The following FAR2 variants were observed in gnomAD, a reference collection of about 807,000 sequenced individuals.
The protein encoded by FAR2 is epididymis secretory protein Li 81.
In FAR2, 19 loss-of-function variants were observed where a neutral mutation model predicts 56.0. The ratio of observed to expected loss-of-function variants is 0.34; its 90% CI spans 0.24 to 0.50. FAR2 has a LOEUF of 0.50. Among genes scored for constraint, FAR2 ranks in the 20% least tolerant of loss-of-function variants. The probability of loss-of-function intolerance (pLI) is 0.98; values close to 1 mark genes in which losing one functional copy is unlikely to be tolerated. For synonymous variants in FAR2, 219 were observed against 218.8 expected, an observed-to-expected ratio of 1.00 and a Z score of -0.01; for missense variants, 508 against 642.2, an observed-to-expected ratio of 0.79 and a Z score of 2.26.
At chr12:29,198,802 C>T (rs1222115193) in intron 1 of FAR2, among the ~76,000 whole-genome samples, 1 of 152,076 alleles carries the variant, frequency 6.6e-6, no homozygotes, top group East Asian at 1.9e-4. Flanking sequence ...TATTTTCTTT[C>T]CTATGCCCCC....
chr12:29,284,755 C>CA (rs1176003215), intron 2 of FAR2, among the ~76,000 whole-genome samples: 1 of 152,076 alleles, frequency 6.6e-6, no homozygotes, highest in Admixed American at 6.6e-5. Flanking sequence ...AAAAACAAAA[C>CA]AAAAAACTTT....
chr12:29,277,461 G>T (rs1234125759), intron 2 of FAR2: 1 of 152,146 alleles, frequency 6.6e-6, no homozygotes, highest in East Asian at 1.9e-4. Context: ...TGTGCCTGGG[G>T]AACAGGGGCA....
intron 10 of FAR2, among the ~76,000 whole-genome samples, chr12:29,325,434 C>A (rs1163803338): frequency 1.3e-5 from 2 of 152,180 alleles, no homozygotes; most frequent in African/African-American, 4.8e-5. Context: ...CACCCCAAAT[C>A]AACAGAATAT....
At chr12:29,299,232 AAAAG>A (rs1555121547) in intron 4 of FAR2, among the ~76,000 whole-genome samples, 2 of 136,718 alleles carry the variant, frequency 1.5e-5, no homozygotes, top group African/African-American at 5.5e-5. Flanking sequence ...AAAAAAAAAA[AAAAG>A]AAAGAAAAAG....
chr12:29,169,836 C>T (rs963851004), intron 1 of FAR2, among the ~76,000 whole-genome samples: 1 of 152,208 alleles, frequency 6.6e-6, no homozygotes, highest in African/African-American at 2.4e-5. Context: ...ATTCTAGTTT[C>T]TGTAGCAGCA....
chr12:29,291,352 G>A (rs551200192), intron 2 of FAR2: 3 of 455,854 alleles, frequency 6.6e-6, no homozygotes, highest in African/African-American at 4.0e-5. Flanking sequence ...ACTGAGCCAG[G>A]GTCTCTGAGG....
intron 9 of FAR2, among the ~76,000 whole-genome samples, chr12:29,320,553 A>T (rs1202213168): frequency 6.6e-6 from 1 of 152,218 alleles, no homozygotes; most frequent in East Asian, 1.9e-4. Flanking sequence ...TCCCCACAAT[A>T]GCATCATAAT....
At chr12:29,176,596 C>T (rs1242391441) in intron 1 of FAR2, among the ~76,000 whole-genome samples, 1 of 152,132 alleles carries the variant, frequency 6.6e-6, no homozygotes, top group Non-Finnish European at 1.5e-5. Context: ...AACTGTCATG[C>T]TTATATTAAC....
intron 1 of FAR2, among the ~76,000 whole-genome samples, chr12:29,250,955 C>T (rs906046317): frequency 2.6e-4 from 39 of 152,112 alleles, no homozygotes; most frequent in Non-Finnish European, 8.8e-5. Flanking sequence ...CCTAGGGTGG[C>T]AGGGGCCAAG....
intron 1 of FAR2, among the ~76,000 whole-genome samples, chr12:29,221,333 G>A (rs1466597680): frequency 6.6e-6 from 1 of 152,032 alleles, no homozygotes; most frequent in East Asian, 1.9e-4. Flanking sequence ...TCATCTGATG[G>A]TTGCCTGACA....
At chr12:29,313,715 A>T (rs1005012096) in intron 8 of FAR2, among the ~76,000 whole-genome samples, 3 of 152,128 alleles carry the variant, frequency 2.0e-5, no homozygotes, top group East Asian at 1.9e-4. Context: ...CATTACATCA[A>T]TTTTTTTGTC....
chr12:29,235,362 C>T (rs1001430484), intron 1 of FAR2, among the ~76,000 whole-genome samples: 4 of 152,146 alleles, frequency 2.6e-5, no homozygotes, highest in Admixed American at 1.3e-4. Flanking sequence ...ATCATATTTT[C>T]GCTGCAGTCC....
chr12:29,288,211 T>G (rs1290660662), intron 2 of FAR2, among the ~76,000 whole-genome samples: 6 of 152,168 alleles, frequency 3.9e-5, no homozygotes, highest in Admixed American at 3.9e-4. Flanking sequence ...AGCTGTATCT[T>G]TCAGTGACCA....
At position 29,234,213 on chromosome 12, in the gene FAR2, T is replaced by C. The variant is rs144937064; in HGVS notation, c.-38-36199T>C. Among the ~76,000 whole-genome samples, 537 of 152,304 alleles carry C rather than the reference T, an allele frequency of 3.5e-3. 5 individuals carry two copies. Among genetic ancestry groups the C allele is most frequent in the African/African-American group, 0.013 (523 of 41,580 alleles). ...ACTAGAATTTCCAACCCAAGCTTGTTGGAATATCTAGTTGCTTTATTAGAT... is the reference window on the plus strand; with the variant it reads ...ACTAGAATTTCCAACCCAAGCTTGTCGGAATATCTAGTTGCTTTATTAGAT... On this transcript the variant is annotated intron_variant, in intron 1 of 11. Coordinates refer to ENST00000536681, the MANE Select transcript of FAR2 (RefSeq NM_001271783.2).
At chr12:29,237,926 G>T (rs1863183340) in intron 1 of FAR2, among the ~76,000 whole-genome samples, 1 of 152,154 alleles carries the variant, frequency 6.6e-6, no homozygotes. Flanking sequence ...ATTCGGAAGA[G>T]CTGCATAACT....
At chr12:29,297,541 G>GA (rs1332058112) in intron 4 of FAR2, among the ~76,000 whole-genome samples, 1 of 152,164 alleles carries the variant, frequency 6.6e-6, no homozygotes, top group African/African-American at 2.4e-5. Flanking sequence ...AAGTTCAGAA[G>GA]AAAAATGTCT....
chr12:29,161,477 G>A (rs116846980), intron 1 of FAR2, among the ~76,000 whole-genome samples: 1,846 of 152,290 alleles, frequency 0.012, 16 homozygotes, highest in African/African-American at 0.025. Flanking sequence ...GTGTGTATTT[G>A]TAGATTATTC....
intron 1 of FAR2, among the ~76,000 whole-genome samples, chr12:29,150,726 T>C (rs1591818737): frequency 6.6e-6 from 1 of 152,314 alleles, no homozygotes; most frequent in Admixed American, 6.5e-5. Flanking sequence ...TGTGTCAATA[T>C]TTCATCGGTA....
Position 29,314,794 on chromosome 12 carries a change from A to T in FAR2, c.956-2047A>T, listed in dbSNP as rs568460045. Among the ~76,000 whole-genome samples, 148 of 152,142 alleles carry T rather than the reference A, an allele frequency of 9.7e-4. 1 individual carries two copies. Among genetic ancestry groups the T allele is most frequent in the East Asian group, 4.1e-3 (21 of 5,182 alleles). On this transcript the variant is annotated intron_variant, in intron 8 of 11. Transcript: ENST00000536681. ...GGAATATATCATATATATTATTATT[A>T]TTTTTTTACCTCAGCACCTACCACA...
Sources: allele counts gnomAD v4.1 joint callset (sites outside exome capture counted in the v4.1 genomes callset), GRCh38; gene constraint gnomAD v4.1.1; transcripts MANE v1.5; gene names NCBI Gene and HGNC (gene_info 2026-07-23, HGNC 2026-07-21).